FAF2: variants seen among roughly 807,000 people sequenced by gnomAD.
The protein encoded by FAF2 is Fas associated factor family member 2.
FAF2 carries 9 observed loss-of-function variants against 62.3 expected under a neutral mutation model. The observed-to-expected ratio is 0.14, with a 90% CI of 0.09 to 0.25. FAF2 has a LOEUF of 0.25. FAF2 is among the 10% of genes least tolerant of loss of function. FAF2 has a pLI of 1.00. For missense variants in FAF2, 368 were observed against 556.2 expected, an observed-to-expected ratio of 0.66 and a Z score of 3.40; for synonymous variants, 202 against 198.0, an observed-to-expected ratio of 1.02 and a Z score of -0.17.
rs2913896 is a variant in FAF2, at chr5:176,494,460, T to C, written c.661+185T>C. 0.6 allele frequency among the ~76,000 whole-genome samples: 90,709 copies of C among 152,044 alleles called. 27,239 individuals are homozygous for C. The highest frequency in any genetic ancestry group is 0.69 in the South Asian group (3,317 of 4,824). On this transcript the variant is annotated intron_variant, in intron 7 of 10. Coordinates refer to ENST00000261942, the MANE Select transcript of FAF2 (RefSeq NM_014613.3). The surrounding 1 kb of genome is among the most constrained non-coding windows in gnomAD (Gnocchi z 4.0). ...GAGAGATGGGGGGTCATATTACCTT[T>C]GCTTTATGGTTTAGGAAATAGGCTC...
chr5:176,506,987 T>A lies in FAF2; in HGVS notation c.*37T>A, dbSNP rs764315021. 2 of 1,337,556 alleles carry A rather than the reference T, an allele frequency of 1.5e-6. No individual in the cohort carries two copies. Among genetic ancestry groups the A allele is most frequent in the Non-Finnish European group, 1.9e-6 (2 of 1,029,850 alleles). 82.9% of individuals were successfully genotyped at this position (1,337,556 alleles called of 1,614,324 possible). A position where few individuals can be genotyped will look rare whatever the true frequency, so the allele number is the denominator to read the frequency against. On this transcript the variant is annotated 3_prime_UTR_variant, in exon 11 of 11. Coordinates refer to ENST00000261942, the MANE Select transcript of FAF2 (RefSeq NM_014613.3). Reference sequence around the variant, plus strand: ...TCCTGTCCCCTCCTACCCCAGTCCCTAAAAGAAATGGGGAAAAAAGAAAAC... The same window carrying A: ...TCCTGTCCCCTCCTACCCCAGTCCCAAAAAGAAATGGGGAAAAAAGAAAAC...
intron 1 of FAF2, among the ~76,000 whole-genome samples, chr5:176,466,777 C>T (rs886694800): frequency 2.7e-5 from 4 of 148,508 alleles, no homozygotes; most frequent in East Asian, 1.9e-4. Context: ...TGCAATCTCC[C>T]GTATACATTT....
In FAF2 at chr5:176,458,408, C is replaced by CTTTTTTTTTTT. The variant is rs751775026; in HGVS notation, c.63+9947_63+9957dup. On this transcript the variant is annotated intron_variant, in intron 1 of 10. Coordinates refer to ENST00000261942, the MANE Select transcript of FAF2 (RefSeq NM_014613.3). ...CAGAATAATATTTTTCTTTTTCTTC[C>CTTTTTTTTTTT]TTTTTTTTTTTTTTTTTTTGAGACG... 2.1e-3 allele frequency among the ~76,000 whole-genome samples: 183 copies of CTTTTTTTTTTT among 86,364 alleles called. 7 individuals carry two copies. Among genetic ancestry groups the CTTTTTTTTTTT allele is most frequent in the African/African-American group, 3.9e-3 (86 of 22,296 alleles). The allele number at this position is 86,364 out of a possible 152,430, so 56.7% of individuals were successfully genotyped here. A position where few individuals can be genotyped will look rare whatever the true frequency, so the allele number is the denominator to read the frequency against.
chr5:176,469,301 TTAG>T (rs1228029897), intron 1 of FAF2, among the ~76,000 whole-genome samples: 1 of 152,104 alleles, frequency 6.6e-6, no homozygotes, highest in East Asian at 1.9e-4. Flanking sequence ...TCTGAAGAAA[TTAG>T]TAGGAAGTTG....
At chr5:176,459,707 GGTT>G (rs1165394768) in intron 1 of FAF2, among the ~76,000 whole-genome samples, 4 of 152,026 alleles carry the variant, frequency 2.6e-5, no homozygotes, top group Non-Finnish European at 5.9e-5. Context: ...GTGTGGGTGT[GGTT>G]GTTTTGTTTT....
chr5:176,500,771 G>A (rs566629759), intron 10 of FAF2, among the ~76,000 whole-genome samples: 4 of 151,122 alleles, frequency 2.6e-5, no homozygotes, highest in Non-Finnish European at 4.4e-5. Context: ...GTTACTAGAT[G>A]TGTTTCCTTA....
intron 1 of FAF2, among the ~76,000 whole-genome samples, chr5:176,461,312 CTTTTTTTTTT>C (rs60608969): frequency 2.8e-5 from 2 of 70,732 alleles, no homozygotes; most frequent in African/African-American, 1.2e-4. Flanking sequence ...CTGTGCCCAG[CTTTTTTTTTT>C]TTTTTTTTTT....
intron 1 of FAF2, among the ~76,000 whole-genome samples, chr5:176,452,830 A>G (rs1758212804): frequency 6.6e-6 from 1 of 152,150 alleles, no homozygotes; most frequent in African/African-American, 2.4e-5. Context: ...TCAACTAGGG[A>G]GTGACACTAG....
intron 1 of FAF2, among the ~76,000 whole-genome samples, chr5:176,452,080 C>T (rs1251992626): frequency 2.0e-5 from 3 of 149,414 alleles, no homozygotes; most frequent in African/African-American, 2.5e-5. Flanking sequence ...GTTTTTGAGA[C>T]GGAGGCTTGC....
chr5:176,464,312 TGTG>T (rs1758428829), intron 1 of FAF2, among the ~76,000 whole-genome samples: 1 of 152,170 alleles, frequency 6.6e-6, no homozygotes, highest in African/African-American at 2.4e-5. Flanking sequence ...TGTTTATTCA[TGTG>T]GTATTTATGT....
intron 1 of FAF2, among the ~76,000 whole-genome samples, chr5:176,475,017 G>A (rs1051534694): frequency 3.3e-5 from 5 of 152,136 alleles, no homozygotes; most frequent in African/African-American, 1.2e-4. Flanking sequence ...TGGGTTTCCA[G>A]CTCACCCTGC....
At chr5:176,478,839 C>G (rs925430248) in intron 1 of FAF2, among the ~76,000 whole-genome samples, 22 of 152,186 alleles carry the variant, frequency 1.4e-4, no homozygotes, top group African/African-American at 5.3e-4. Context: ...TCAACCTGTA[C>G]TATCAACAGA....
intron 2 of FAF2, among the ~76,000 whole-genome samples, chr5:176,481,323 G>A (rs535410150): frequency 6.6e-6 from 1 of 152,246 alleles, no homozygotes; most frequent in East Asian, 1.9e-4. Context: ...TAGGATTACA[G>A]GCATGAGCCA....
At chr5:176,465,414 C>T (rs75198659) in intron 1 of FAF2, among the ~76,000 whole-genome samples, 13,039 of 139,820 alleles carry the variant, frequency 0.093, 914 homozygotes, top group East Asian at 0.28. Context: ...GTCATCCAGG[C>T]TGGAGTGCAA....
At chr5:176,453,333 A>G (rs1489026003) in intron 1 of FAF2, 2 of 152,184 alleles carry the variant, frequency 1.3e-5, no homozygotes, top group Non-Finnish European at 2.9e-5. Context: ...TGTTTGAACA[A>G]CTGGAGAAGG....
intron 8 of FAF2, among the ~76,000 whole-genome samples, chr5:176,498,130 CCAAAA>C (rs1755529491): frequency 6.6e-6 from 1 of 150,712 alleles, no homozygotes; most frequent in Non-Finnish European, 1.5e-5. Flanking sequence ...AGCCCTGTCT[CCAAAA>C]AAAAAGAAAA....
chr5:176,461,312 CTT>C (rs60608969), intron 1 of FAF2, among the ~76,000 whole-genome samples: 7 of 70,728 alleles, frequency 9.9e-5, no homozygotes, highest in African/African-American at 2.9e-4. Context: ...CTGTGCCCAG[CTT>C]TTTTTTTTTT....
intron 8 of FAF2, among the ~76,000 whole-genome samples, chr5:176,497,160 T>C (rs1394688587): frequency 6.6e-6 from 1 of 151,874 alleles, no homozygotes; most frequent in African/African-American, 2.4e-5. Flanking sequence ...AAATAATAAA[T>C]GAATGAATAA....
chr5:176,466,219 A>G (rs1581471187), intron 1 of FAF2, among the ~76,000 whole-genome samples: 1 of 152,200 alleles, frequency 6.6e-6, no homozygotes, highest in East Asian at 1.9e-4. Flanking sequence ...TTTCCTGAAC[A>G]GATTTCAGAT....
Sources: gnomAD v4.1 joint callset for allele counts (sites outside exome capture counted in the v4.1 genomes callset) on GRCh38, gnomAD v4.1.1 for gene constraint, Gnocchi (gnomAD v3.1) non-coding constraint, MANE v1.5 for transcripts, NCBI Gene and HGNC (gene_info 2026-07-23, HGNC 2026-07-21) for gene names.